The following COG3 variants were observed in gnomAD, a reference collection of about 807,000 sequenced individuals.
COG3 encodes component of oligomeric golgi complex 3, also known as conserved oligomeric Golgi complex subunit 3.
In COG3, 32 loss-of-function variants were observed where a neutral mutation model predicts 114.1. That is an observed-to-expected ratio of 0.28 (90% CI 0.21 to 0.38). COG3 has a LOEUF of 0.38. Among genes scored for constraint, COG3 ranks in the 10% least tolerant of loss-of-function variants. The pLI, the probability that COG3 is intolerant of heterozygous loss-of-function variation, is 1.00. For missense variants in COG3, 813 were observed against 973.2 expected, an observed-to-expected ratio of 0.84 and a Z score of 2.19; for synonymous variants, 352 against 365.7, an observed-to-expected ratio of 0.96 and a Z score of 0.43.
At chr13:45,466,268 A>G (rs1379081193) in intron 1 of COG3, among the ~76,000 whole-genome samples, 1 of 152,088 alleles carries the variant, frequency 6.6e-6, no homozygotes, top group Non-Finnish European at 1.5e-5. Flanking sequence ...CGAACTCCTG[A>G]CCTCAAGTGA....
chr13:45,495,389 T>G (rs1261438253), intron 12 of COG3, among the ~76,000 whole-genome samples: 1 of 152,006 alleles, frequency 6.6e-6, no homozygotes, highest in East Asian at 1.9e-4. Flanking sequence ...ATTTATTTAT[T>G]ATTTTTGAGA....
intron 14 of COG3, 93 bp from the exon 15 acceptor site, chr13:45,509,599 A>T (rs1870630187): frequency 6.6e-7 from 1 of 1,505,622 alleles, no homozygotes. Flanking sequence ...CTTATAGCTA[A>T]TGAGAATAAG....
chr13:45,486,789 C>T (rs567479300), intron 8 of COG3, among the ~76,000 whole-genome samples: 2 of 152,298 alleles, frequency 1.3e-5, no homozygotes, highest in African/African-American at 4.8e-5. Flanking sequence ...TCCTGTGATG[C>T]TCAGGGATGG....
intron 22 of COG3, among the ~76,000 whole-genome samples, chr13:45,533,815 T>G (rs1302045614): frequency 6.6e-6 from 1 of 152,224 alleles, no homozygotes; most frequent in East Asian, 1.9e-4. Context: ...CCATTTGGTG[T>G]TGTCTCTTTC....
intron 1 of COG3, chr13:45,465,470 C>T (rs890582391): frequency 2.0e-6 from 1 of 509,006 alleles, no homozygotes; most frequent in Non-Finnish European, 3.4e-6. Context: ...AGTCCTCCCC[C>T]AGCAGCATGG....
intron 16 of COG3, among the ~76,000 whole-genome samples, chr13:45,514,082 C>A (rs1227451321): frequency 6.6e-6 from 1 of 150,890 alleles, no homozygotes; most frequent in South Asian, 2.1e-4. Context: ...TTTCTCAGAT[C>A]TCAGGAGGGA....
chr13:45,498,356 C>CTTT (rs61289410), intron 13 of COG3, among the ~76,000 whole-genome samples: 140 of 117,602 alleles, frequency 1.2e-3, no homozygotes, highest in Non-Finnish European at 1.8e-3. Context: ...CTTCAGATGT[C>CTTT]TTTTTTTTTT....
At chr13:45,477,021 T>G (rs1004269494) in intron 2 of COG3, among the ~76,000 whole-genome samples, 1 of 152,212 alleles carries the variant, frequency 6.6e-6, no homozygotes, top group Non-Finnish European at 1.5e-5. Context: ...GAAAGTCAGC[T>G]CCATCATTTA....
chr13:45,506,095 C>T (rs1870115035), intron 14 of COG3, among the ~76,000 whole-genome samples: 1 of 152,008 alleles, frequency 6.6e-6, no homozygotes, highest in South Asian at 2.1e-4. Flanking sequence ...TGACGTTTTA[C>T]TGTGTCACAT....
chr13:45,480,057 G>C (rs1886152197), intron 3 of COG3, 68 bp from the exon 4 acceptor site: 2 of 1,375,564 alleles, frequency 1.5e-6, no homozygotes, highest in South Asian at 3.2e-5. Context: ...ATGAGCCTTT[G>C]TTGTTTTTTT....
At chr13:45,501,984 T>C (rs952831429) in intron 13 of COG3, among the ~76,000 whole-genome samples, 1 of 152,254 alleles carries the variant, frequency 6.6e-6, no homozygotes, top group Admixed American at 6.5e-5. Flanking sequence ...TTAAATAATA[T>C]ACAGAATCAA....
Position 45,536,319 on chromosome 13 carries a change from C to G in COG3, c.*1588C>G, listed in dbSNP as rs572423931. The stretch of plus-strand genomic sequence containing the variant: ...GGGCATGATTATTGTACAGTAAGTA[C>G]GTGACTGATTTAATTTGATTTACAG... On this transcript the variant is annotated 3_prime_UTR_variant, in exon 23 of 23. Coordinates refer to ENST00000349995, the MANE Select transcript of COG3 (RefSeq NM_031431.4). The G allele has an allele frequency of 2.6e-5, 4 of 152,152 alleles. No homozygotes were observed. The highest frequency in any genetic ancestry group is 5.9e-5 in the Non-Finnish European group (4 of 68,028). The allele number at this position is 152,152 out of a possible 1,614,324, so 9.4% of individuals were successfully genotyped here. A position where few individuals can be genotyped will look rare whatever the true frequency, so the allele number is the denominator to read the frequency against.
intron 2 of COG3, among the ~76,000 whole-genome samples, 176 bp downstream of exon 2, chr13:45,476,523 A>G (rs3751352): frequency 0.084 from 12,712 of 152,222 alleles, 642 homozygotes; most frequent in African/African-American, 0.13. Context: ...AAATGAATCT[A>G]TTGCCCAATT....
At chr13:45,477,321 A>T (rs1885931256) in intron 2 of COG3, among the ~76,000 whole-genome samples, 1 of 152,104 alleles carries the variant, frequency 6.6e-6, no homozygotes, top group Admixed American at 6.5e-5. Context: ...TGGCCTGCTT[A>T]AAAAAAGTCC....
At chr13:45,512,796 G>A (rs1019371907) in intron 16 of COG3, among the ~76,000 whole-genome samples, 2 of 151,920 alleles carry the variant, frequency 1.3e-5, no homozygotes, top group African/African-American at 2.4e-5. Context: ...TTTATTTTTT[G>A]TAGAGACAGG....
intron 21 of COG3, among the ~76,000 whole-genome samples, chr13:45,530,207 A>T (rs969793765): frequency 1.3e-5 from 2 of 152,204 alleles, no homozygotes; most frequent in African/African-American, 4.8e-5. Context: ...CCCAGCTCTC[A>T]AGAGAGCAGC....
At chr13:45,488,428 A>C (rs35772078) in intron 8 of COG3, among the ~76,000 whole-genome samples, 12,924 of 152,252 alleles carry the variant, frequency 0.085, 668 homozygotes, top group African/African-American at 0.13. Context: ...GGATACTCTA[A>C]ACACTCTGAT....
Position 45,496,160 on chromosome 13 carries a change from C to A in COG3, c.1336C>A (p.Leu446Met). The A allele has an allele frequency of 6.2e-7, 1 of 1,607,066 alleles. No homozygotes were observed. Among genetic ancestry groups the A allele is most frequent in the South Asian group, 1.1e-5 (1 of 90,180 alleles). Residue 446 changes from leucine to methionine, a missense_variant, in exon 13 of 23, where the codon CTG (leucine) becomes ATG (methionine). By Grantham distance (15) the Leu-to-Met change is conservative. Around this residue, in one of 2 missense-constraint regions of COG3, gnomAD observed 389 missense variants for 542.6 expected, o/e 0.72. Coordinates refer to ENST00000349995, the MANE Select transcript of COG3 (RefSeq NM_031431.4). ...EDHVQNNAEQLGAFAAGVKQM... is the reference protein window; with the variant it reads ...EDHVQNNAEQMGAFAAGVKQM... ...TTGCACTTTTTTATCAGCTGAGCAA[C>A]TGGGGGCATTTGCAGCTGGAGTCAA...
At chr13:45,473,097 C>T (rs1697618345) in intron 1 of COG3, among the ~76,000 whole-genome samples, 1 of 152,174 alleles carries the variant, frequency 6.6e-6, no homozygotes, top group Admixed American at 6.5e-5. Context: ...TCTTGATCTC[C>T]TGACCTCGTG....
Sources: gnomAD v4.1 joint callset for allele counts (sites outside exome capture counted in the v4.1 genomes callset) on GRCh38, gnomAD v4.1.1 for gene constraint, gnomAD v4.1.1 regional missense constraint, MANE v1.5 for transcripts, NCBI Gene and HGNC (gene_info 2026-07-23, HGNC 2026-07-21) for gene names.